The following DLG2 variants were observed in gnomAD, a reference collection of about 807,000 sequenced individuals.
DLG2 encodes the protein discs large MAGUK scaffold protein 2.
DLG2 carries 45 observed loss-of-function variants against 132.5 expected under a neutral mutation model. The ratio of observed to expected loss-of-function variants is 0.34; its 90% CI spans 0.27 to 0.44. DLG2 has a LOEUF of 0.44. Ranked by LOEUF, DLG2 falls within the 20% of genes least tolerant of loss-of-function variation. The pLI is 1.00. For synonymous variants in DLG2, 424 were observed against 419.6 expected (o/e 1.01, Z -0.13); for missense variants, 1,045 against 1,196.9 (o/e 0.87, Z 1.87).
At chr11:83,653,212 A>T (rs2153523202) in intron 18 of DLG2, among the ~76,000 whole-genome samples, 1 of 152,350 alleles carries the variant, frequency 6.6e-6, no homozygotes, top group Non-Finnish European at 1.5e-5. Flanking sequence ...TGGGGGCTGC[A>T]TCATATCTAA....
At chr11:85,493,177 G>T (rs914309629) in intron 3 of DLG2, among the ~76,000 whole-genome samples, 1 of 152,112 alleles carries the variant, frequency 6.6e-6, no homozygotes, top group African/African-American at 2.4e-5. Context: ...AGGTTTATAT[G>T]GTAGTAGTAC....
chr11:84,605,365 C>A (rs1388980873), intron 6 of DLG2, among the ~76,000 whole-genome samples: 1 of 151,754 alleles, frequency 6.6e-6, no homozygotes, highest in East Asian at 1.9e-4. Flanking sequence ...GAAGTCTATA[C>A]CAAGTTATAG....
At chr11:84,610,566 A>G (rs1397205864) in intron 6 of DLG2, among the ~76,000 whole-genome samples, 3 of 152,146 alleles carry the variant, frequency 2.0e-5, no homozygotes, top group African/African-American at 7.2e-5. Flanking sequence ...CTGATGAATA[A>G]AGGGAACAAG....
intron 20 of DLG2, among the ~76,000 whole-genome samples, chr11:83,538,480 C>G (rs1462733076): frequency 6.6e-6 from 1 of 152,206 alleles, no homozygotes. Context: ...ATCTGACTTT[C>G]TATTTCCTTC....
intron 7 of DLG2, among the ~76,000 whole-genome samples, chr11:84,461,849 T>G (rs1174239999): frequency 6.6e-6 from 1 of 150,830 alleles, no homozygotes; most frequent in Non-Finnish European, 1.5e-5. Flanking sequence ...CAACTACATT[T>G]TATGTATTGT....
intron 19 of DLG2, among the ~76,000 whole-genome samples, chr11:83,595,220 A>G (rs1426652423): frequency 6.6e-6 from 1 of 152,236 alleles, no homozygotes; most frequent in Non-Finnish European, 1.5e-5. Flanking sequence ...GGTATTAAAT[A>G]AAGCATTGCT....
intron 11 of DLG2, among the ~76,000 whole-genome samples, chr11:83,985,122 C>T (rs1230037507): frequency 1.3e-5 from 2 of 151,946 alleles, no homozygotes; most frequent in African/African-American, 2.4e-5. Flanking sequence ...AGCAATAAGA[C>T]CAAACACAAA....
At chr11:85,253,804 A>G (rs890550225) in intron 4 of DLG2, among the ~76,000 whole-genome samples, 1 of 152,096 alleles carries the variant, frequency 6.6e-6, no homozygotes, top group Non-Finnish European at 1.5e-5. Flanking sequence ...CTCAGTGAGA[A>G]GGGAAAAAAA....
intron 7 of DLG2, among the ~76,000 whole-genome samples, chr11:84,375,011 G>A (rs10792756): frequency 0.37 from 55,691 of 152,026 alleles, 15,236 homozygotes; most frequent in African/African-American, 0.77. Context: ...CTATTGCCCA[G>A]TTTCTCCAGC....
chr11:83,616,569 C>G (rs565491786), intron 19 of DLG2, among the ~76,000 whole-genome samples: 20 of 151,588 alleles, frequency 1.3e-4, no homozygotes, highest in South Asian at 4.2e-4. Context: ...TTCCAGATGT[C>G]TGGATTACAA....
chr11:83,548,044 A>T (rs939534341), intron 19 of DLG2, among the ~76,000 whole-genome samples: 2 of 152,170 alleles, frequency 1.3e-5, no homozygotes, highest in Non-Finnish European at 1.5e-5. Flanking sequence ...GCTGAGGGTG[A>T]CAGCTCAAAT....
intron 6 of DLG2, among the ~76,000 whole-genome samples, chr11:84,861,637 A>AAC (rs2083689636): frequency 1.4e-5 from 1 of 69,484 alleles, no homozygotes; most frequent in Non-Finnish European, 3.1e-5. Flanking sequence ...AAAAAAAAAA[A>AAC]AACAAAAAAA....
At chr11:84,820,438 GC>G (rs1336691569) in intron 6 of DLG2, among the ~76,000 whole-genome samples, 1 of 151,766 alleles carries the variant, frequency 6.6e-6, no homozygotes, top group Non-Finnish European at 1.5e-5. Flanking sequence ...ATCACGCTTT[GC>G]CCCTCTTAGG....
intron 16 of DLG2, among the ~76,000 whole-genome samples, chr11:83,846,679 C>T (rs1409811950): frequency 6.6e-6 from 1 of 152,138 alleles, no homozygotes; most frequent in Non-Finnish European, 1.5e-5. Flanking sequence ...CATATAACAA[C>T]CTTGGTAAAT....
rs557627193 is a variant in DLG2, at chr11:84,875,939, T to C, written c.357+235722A>G. Among the ~76,000 whole-genome samples, 12 of 152,274 alleles carry C rather than the reference T, an allele frequency of 7.9e-5. No individual in the cohort carries two copies. In the South Asian group the frequency reaches 2.1e-3, roughly 26 times the overall value. On this transcript the variant is annotated intron_variant, in intron 6 of 27. Transcript: ENST00000376104. The stretch of plus-strand genomic sequence containing the variant: ...TTTTAGTAGAGACGGGGTTTCACCA[T>C]GTTAGCCAGGCTGGTCTCGAATGCC...
intron 15 of DLG2, among the ~76,000 whole-genome samples, chr11:83,928,374 A>G (rs1012958204): frequency 2.0e-5 from 3 of 152,174 alleles, no homozygotes; most frequent in African/African-American, 7.2e-5. Flanking sequence ...GCAGGTGCAC[A>G]TAGAGGTGAA....
intron 6 of DLG2, among the ~76,000 whole-genome samples, chr11:84,547,423 C>A (rs781000424): frequency 6.6e-6 from 1 of 152,110 alleles, no homozygotes; most frequent in African/African-American, 2.4e-5. Flanking sequence ...TGCTTGAAAA[C>A]CTTCTCTTTG....
At chr11:84,685,843 C>T (rs552556925) in intron 6 of DLG2, among the ~76,000 whole-genome samples, 2 of 152,106 alleles carry the variant, frequency 1.3e-5, no homozygotes, top group African/African-American at 4.8e-5. Flanking sequence ...GCAGCTGGGA[C>T]CACAGACTAA....
intron 6 of DLG2, among the ~76,000 whole-genome samples, chr11:84,975,415 C>G (rs1260523449): frequency 6.6e-6 from 1 of 152,146 alleles, no homozygotes; most frequent in Non-Finnish European, 1.5e-5. Flanking sequence ...CGATACATAT[C>G]TTTTGCATTT....
Sources: gnomAD v4.1 joint callset for allele counts (sites outside exome capture counted in the v4.1 genomes callset) on GRCh38, gnomAD v4.1.1 for gene constraint, MANE v1.5 for transcripts, NCBI Gene and HGNC (gene_info 2026-07-23, HGNC 2026-07-21) for gene names.